SLC13A1: variants seen among roughly 807,000 people sequenced by gnomAD.
The protein encoded by SLC13A1 is Na(+)/sulfate cotransporter.
A neutral mutation model predicts 70.0 loss-of-function variants in SLC13A1; 65 were observed. The ratio of observed to expected loss-of-function variants is 0.93; its 90% CI spans 0.76 to 1.14. SLC13A1 has a LOEUF of 1.14. Ranked by LOEUF, SLC13A1 falls within the 50% of genes most tolerant of loss-of-function variation. SLC13A1 has a pLI of 0.00. For synonymous variants in SLC13A1, 275 were observed against 250.5 expected (o/e 1.10, Z -0.92); for missense variants, 726 against 717.8 (o/e 1.01, Z -0.13).
At chr7:123,118,937 T>C in intron 13 of SLC13A1, 144 bp downstream of exon 13, 1 of 594,406 alleles carries the variant, frequency 1.7e-6, no homozygotes, top group Non-Finnish European at 2.8e-6. Flanking sequence ...AAAGCATTAA[T>C]ACAAATAAAG....
intron 2 of SLC13A1, among the ~76,000 whole-genome samples, chr7:123,176,022 A>G (rs995248675): frequency 2.0e-5 from 3 of 152,200 alleles, no homozygotes; most frequent in Admixed American, 1.3e-4. Flanking sequence ...AAATAGCCAA[A>G]GGCAATATGT....
intron 8 of SLC13A1, among the ~76,000 whole-genome samples, chr7:123,133,406 G>A (rs1793833757): frequency 6.7e-6 from 1 of 149,988 alleles, no homozygotes; most frequent in Admixed American, 6.6e-5. Flanking sequence ...TAAACCAAGT[G>A]GAGGGGCAAA....
chr7:123,155,785 G>A (rs547487256), intron 6 of SLC13A1, among the ~76,000 whole-genome samples: 30 of 152,096 alleles, frequency 2.0e-4, no homozygotes, highest in Non-Finnish European at 3.4e-4. Context: ...GCATCATCTG[G>A]CCTTCTGCCT....
At chr7:123,142,638 CTTTTTTT>C (rs753775300) in intron 7 of SLC13A1, among the ~76,000 whole-genome samples, 2 of 118,824 alleles carry the variant, frequency 1.7e-5, no homozygotes, top group Non-Finnish European at 3.4e-5. Flanking sequence ...GGGGCAAGAA[CTTTTTTT>C]TTTTTTTTTT....
chr7:123,133,324 G>A (rs1055813046), intron 8 of SLC13A1, among the ~76,000 whole-genome samples: 1 of 151,848 alleles, frequency 6.6e-6, no homozygotes, highest in Non-Finnish European at 1.5e-5. Flanking sequence ...GTCAATTTTG[G>A]TGCTAGCATG....
intron 1 of SLC13A1, 75 bp from the exon 2 acceptor site, chr7:123,181,176 TG>T (rs1307573871): frequency 6.7e-7 from 1 of 1,490,914 alleles, no homozygotes; most frequent in Non-Finnish European, 9.1e-7. Context: ...CAAACATGTT[TG>T]CTTAATAGAG....
intron 7 of SLC13A1, among the ~76,000 whole-genome samples, chr7:123,138,458 G>T (rs1794024167): frequency 6.6e-6 from 1 of 152,060 alleles, no homozygotes; most frequent in South Asian, 2.1e-4. Context: ...TGAATCACAT[G>T]GTAGCTTTAT....
intron 9 of SLC13A1, 80 bp from the exon 10 acceptor site, chr7:123,129,026 A>T: frequency 2.1e-6 from 2 of 930,980 alleles, no homozygotes; most frequent in Admixed American, 3.8e-5. Flanking sequence ...TATTGTCAGG[A>T]ATGATCGCAG....
At chr7:123,177,865 G>A (rs532878570) in intron 2 of SLC13A1, among the ~76,000 whole-genome samples, 111 of 152,130 alleles carry the variant, frequency 7.3e-4, no homozygotes, top group Non-Finnish European at 1.3e-3. Flanking sequence ...ATCAGATACA[G>A]TGTTCATTGC....
At chr7:123,175,683 A>T (rs1023620059) in intron 2 of SLC13A1, among the ~76,000 whole-genome samples, 1 of 152,206 alleles carries the variant, frequency 6.6e-6, no homozygotes, top group Admixed American at 6.5e-5. Flanking sequence ...AACTGTGAGC[A>T]ATAAATATCT....
At chr7:123,128,748 A>G in intron 10 of SLC13A1, 97 bp downstream of exon 10, 1 of 759,028 alleles carries the variant, frequency 1.3e-6, no homozygotes, top group Non-Finnish European at 2.2e-6. Flanking sequence ...AAGAAAGAAA[A>G]ATATCTCATC....
intron 10 of SLC13A1, 23 bp from the exon 11 acceptor site, chr7:123,125,698 TATTAAAAATAGC>T (rs1474429466): frequency 3.3e-6 from 5 of 1,531,346 alleles, no homozygotes; most frequent in Non-Finnish European, 4.5e-6. Context: ...CAAATACATG[TATTAAAAATAGC>T]ATCAAGAACT....
At chr7:123,184,948 A>G (rs944905462) in intron 1 of SLC13A1, among the ~76,000 whole-genome samples, 4 of 152,042 alleles carry the variant, frequency 2.6e-5, no homozygotes, top group African/African-American at 9.7e-5. Flanking sequence ...AACAGTGTTC[A>G]CATCCTGGCC....
At chr7:123,167,827 A>G (rs1335862086) in intron 6 of SLC13A1, among the ~76,000 whole-genome samples, 1 of 152,042 alleles carries the variant, frequency 6.6e-6, no homozygotes, top group African/African-American at 2.4e-5. Flanking sequence ...CATGAATAGG[A>G]GTTGCTCCAA....
chr7:123,155,434 AAT>A (rs1794678148), intron 6 of SLC13A1, among the ~76,000 whole-genome samples: 1 of 151,982 alleles, frequency 6.6e-6, no homozygotes. Context: ...AAATACAAGT[AAT>A]ATATTTGTTT....
chr7:123,194,178 A>G (rs1796094713), intron 1 of SLC13A1, among the ~76,000 whole-genome samples: 1 of 152,132 alleles, frequency 6.6e-6, no homozygotes, highest in Admixed American at 6.6e-5. Context: ...ATAGAGGCCA[A>G]TGTATCCATG....
chr7:123,136,037 A>T (rs374495555), intron 7 of SLC13A1, among the ~76,000 whole-genome samples: 1 of 152,236 alleles, frequency 6.6e-6, no homozygotes, highest in Non-Finnish European at 1.5e-5. Context: ...CATTAACATT[A>T]GACTTGGATT....
rs17145486 is a variant in SLC13A1 at position 123,176,659 on chromosome 7, G to T, written c.228+4314C>A. Among the ~76,000 whole-genome samples the T allele has an allele frequency of 4.7e-3, 715 of 152,226 alleles. 6 individuals are homozygous for T. The highest frequency in any genetic ancestry group is 0.016 in the African/African-American group (674 of 41,548). ...GCTTTGTTAGTTATTAGGTTGTTTAGCTAAATCCAATAGCCAATATCTACT... is the reference window on the plus strand; with the variant it reads ...GCTTTGTTAGTTATTAGGTTGTTTATCTAAATCCAATAGCCAATATCTACT... On this transcript the variant is annotated intron_variant, in intron 2 of 14. Coordinates refer to ENST00000194130, the MANE Select transcript of SLC13A1 (RefSeq NM_022444.4).
At chr7:123,194,163 CT>C (rs1468084077) in intron 1 of SLC13A1, among the ~76,000 whole-genome samples, 8 of 152,056 alleles carry the variant, frequency 5.3e-5, no homozygotes, top group Non-Finnish European at 1.2e-4. Context: ...GGAAGACATA[CT>C]GTAATAGAGG....
Sources: allele counts gnomAD v4.1 joint callset (sites outside exome capture counted in the v4.1 genomes callset), GRCh38; gene constraint gnomAD v4.1.1; transcripts MANE v1.5; gene names NCBI Gene and HGNC (gene_info 2026-07-23, HGNC 2026-07-21).